The following NAA11 variants were observed in gnomAD, a reference collection of about 807,000 sequenced individuals.
The protein encoded by NAA11 is N-alpha-acetyltransferase 11, NatA catalytic subunit.
NAA11 carries 15 observed loss-of-function variants against 16.1 expected under a neutral mutation model. The observed-to-expected ratio is 0.93, with a 90% confidence interval of 0.62 to 1.44. The LOEUF is 1.44. Among genes scored for constraint, NAA11 ranks in the 40% most tolerant of loss-of-function variants. The pLI is 0.00. For missense variants in NAA11, 298 were observed against 291.3 expected (o/e 1.02, Z -0.17); for synonymous variants, 122 against 112.4 (o/e 1.09, Z -0.54).
chr4:79,273,190 A>G (rs540346242), intron 2 of NAA11, among the ~76,000 whole-genome samples: 1 of 152,086 alleles, frequency 6.6e-6, no homozygotes, highest in African/African-American at 2.4e-5. Flanking sequence ...GGGGAGTGAC[A>G]TACAAGTACA....
intron 2 of NAA11, among the ~76,000 whole-genome samples, chr4:79,262,728 T>G (rs575048503): frequency 6.6e-6 from 1 of 152,184 alleles, no homozygotes; most frequent in African/African-American, 2.4e-5. Context: ...AAACTCTATT[T>G]GTTTAGTTTT....
In NAA11 at chr4:79,270,266, T is replaced by A. The variant is rs181368783; in HGVS notation, c.*122+23739A>T. Among the ~76,000 whole-genome samples the A allele has an allele frequency of 3.3e-5, 5 of 152,130 alleles. No individual in the cohort carries two copies. In the East Asian group the frequency reaches 9.7e-4, roughly 29 times the overall value. On this transcript the variant is annotated intron_variant and NMD_transcript_variant, in intron 2 of 2. Transcript: ENST00000511542. ...AAAGTCATTGGTAGCTTGATGGAGA[T>A]GGCATTGAATCTGTAAATGGATAAA...
At chr4:79,259,419 C>G (rs1722200070) in intron 2 of NAA11, among the ~76,000 whole-genome samples, 1 of 152,196 alleles carries the variant, frequency 6.6e-6, no homozygotes, top group Non-Finnish European at 1.5e-5. Flanking sequence ...GCACCTAGAG[C>G]TGCATGCCCT....
intron 2 of NAA11, among the ~76,000 whole-genome samples, chr4:79,259,482 C>G (rs1722201249): frequency 6.6e-6 from 1 of 152,190 alleles, no homozygotes; most frequent in Non-Finnish European, 1.5e-5. Flanking sequence ...ACCATGCTCA[C>G]TCACTCACAC....
At chr4:79,285,543 C>T (rs1328546593) in intron 2 of NAA11, among the ~76,000 whole-genome samples, 9 of 151,852 alleles carry the variant, frequency 5.9e-5, no homozygotes, top group Admixed American at 5.2e-4. Context: ...ATTATGCAGA[C>T]TGACTAGAGT....
At chr4:79,314,398 T>C (rs1292988542), downstream of NAA11, among the ~76,000 whole-genome samples, 1 of 152,112 alleles carries the variant, frequency 6.6e-6, no homozygotes, top group Non-Finnish European at 1.5e-5. Context: ...TACTGATCAG[T>C]GATTTTCAGA....
the NAA11 span, chr4:79,195,738 A>T: frequency 6.6e-6 from 1 of 152,048 alleles, no homozygotes; most frequent in Non-Finnish European, 1.5e-5. Context: ...TAATTGAATC[A>T]TGGGGGTGGT....
intron 1 of NAA11, among the ~76,000 whole-genome samples, chr4:79,311,481 G>A (rs932820070): frequency 6.6e-6 from 1 of 152,048 alleles, no homozygotes; most frequent in Non-Finnish European, 1.5e-5. Context: ...TTCTAACTCT[G>A]AATTCAGATT....
chr4:79,266,738 G>A (rs529476634), intron 2 of NAA11, among the ~76,000 whole-genome samples: 23 of 152,266 alleles, frequency 1.5e-4, no homozygotes, highest in African/African-American at 5.3e-4. Context: ...TCCCATTTTG[G>A]GGGGTAAGTG....
At chr4:79,217,582 A>C in the NAA11 span, among the ~76,000 whole-genome samples, 2 of 152,198 alleles carry the variant, frequency 1.3e-5, no homozygotes, top group East Asian at 3.8e-4. Flanking sequence ...GCAATGTTTT[A>C]TCAGAATTTT....
At chr4:79,324,267 T>A (rs1294685283) in intron 1 of NAA11, among the ~76,000 whole-genome samples, 2 of 152,222 alleles carry the variant, frequency 1.3e-5, no homozygotes, top group African/African-American at 4.8e-5. Context: ...ATAAGGACTT[T>A]CTAAACATAA....
intron 2 of NAA11, among the ~76,000 whole-genome samples, chr4:79,262,663 G>C (rs577128607): frequency 2.0e-5 from 3 of 152,126 alleles, no homozygotes; most frequent in African/African-American, 7.2e-5. Context: ...CTGTGTTCTT[G>C]AGTGGCTGAA....
intron 2 of NAA11, among the ~76,000 whole-genome samples, chr4:79,284,065 A>T (rs1722855758): frequency 6.6e-6 from 1 of 152,154 alleles, no homozygotes; most frequent in African/African-American, 2.4e-5. Flanking sequence ...TACATGAAAG[A>T]AACAAAACTT....
chr4:79,294,546 T>C (rs1280887654), intron 1 of NAA11, among the ~76,000 whole-genome samples: 1 of 152,192 alleles, frequency 6.6e-6, no homozygotes, highest in African/African-American at 2.4e-5. Flanking sequence ...AACAAATCAT[T>C]GTTTATTAAA....
At chr4:79,275,530 TATA>T (rs775182649) in intron 2 of NAA11, among the ~76,000 whole-genome samples, 3 of 152,108 alleles carry the variant, frequency 2.0e-5, no homozygotes, top group African/African-American at 4.8e-5. Flanking sequence ...TCAAAAAATG[TATA>T]ATGAGTTCTT....
At chr4:79,238,110 T>C (rs1399221863) in intron 2 of NAA11, among the ~76,000 whole-genome samples, 1 of 152,204 alleles carries the variant, frequency 6.6e-6, no homozygotes, top group Non-Finnish European at 1.5e-5. Flanking sequence ...CATCTGGGTT[T>C]TCCATTTGTT....
At chr4:79,211,440 G>T in the NAA11 span, among the ~76,000 whole-genome samples, 101 of 152,252 alleles carry the variant, frequency 6.6e-4, no homozygotes, top group Non-Finnish European at 1.3e-3. Context: ...TATACATATA[G>T]AGATATTCTG....
chr4:79,263,686 G>A (rs1421309326), intron 2 of NAA11, among the ~76,000 whole-genome samples: 2 of 152,134 alleles, frequency 1.3e-5, no homozygotes, highest in East Asian at 3.9e-4. Context: ...CTCTGACTCT[G>A]GTTAAATACA....
intron 1 of NAA11, among the ~76,000 whole-genome samples, chr4:79,304,738 A>C (rs1723515780): frequency 6.6e-6 from 1 of 152,148 alleles, no homozygotes; most frequent in South Asian, 2.1e-4. Context: ...GAGAGTATTA[A>C]ACCCAATGAA....
Sources: allele counts gnomAD v4.1 joint callset (sites outside exome capture counted in the v4.1 genomes callset), GRCh38; gene constraint gnomAD v4.1.1; transcripts MANE v1.5; gene names NCBI Gene and HGNC (gene_info 2026-07-23, HGNC 2026-07-21).